PRRX1: variants seen among roughly 807,000 people sequenced by gnomAD.
PRRX1 encodes the protein paired related homeobox 1, also known as paired mesoderm homeobox protein 1.
PRRX1 carries 8 observed loss-of-function variants against 24.0 expected under a neutral mutation model. The observed-to-expected ratio is 0.33, with a 90% CI of 0.20 to 0.60. The LOEUF (loss-of-function observed/expected upper bound fraction) is 0.60. Among genes scored for constraint, PRRX1 ranks in the 20% least tolerant of loss-of-function variants. The pLI, the probability that PRRX1 is intolerant of heterozygous loss-of-function variation, is 0.82. For synonymous variants in PRRX1, 160 were observed against 131.7 expected, an observed-to-expected ratio of 1.22 and a Z score of -1.47; for missense variants, 281 against 322.4, an observed-to-expected ratio of 0.87 and a Z score of 0.98.
intron 3 of PRRX1, among the ~76,000 whole-genome samples, chr1:170,731,926 C>A (rs1655449856): frequency 6.6e-6 from 1 of 152,212 alleles, no homozygotes; most frequent in Non-Finnish European, 1.5e-5. Context: ...TGGTCACTGA[C>A]ACAAAGAACT....
At chr1:170,718,844 A>G (rs1457674609) in intron 1 of PRRX1, among the ~76,000 whole-genome samples, 1 of 152,052 alleles carries the variant, frequency 6.6e-6, no homozygotes, top group Non-Finnish European at 1.5e-5. Flanking sequence ...AGCATACTAC[A>G]CTCTGACTGC....
chr1:170,714,029 T>G (rs965426104), intron 1 of PRRX1, among the ~76,000 whole-genome samples: 1 of 152,248 alleles, frequency 6.6e-6, no homozygotes, highest in Non-Finnish European at 1.5e-5. Context: ...AAACTTGGCT[T>G]TGGTCATTGT....
intron 1 of PRRX1, among the ~76,000 whole-genome samples, chr1:170,692,445 C>A (rs1306991621): frequency 6.6e-6 from 1 of 151,888 alleles, no homozygotes; most frequent in Non-Finnish European, 1.5e-5. Context: ...ATGTAGCTAA[C>A]TTTCTAGAAT....
At chr1:170,673,703 G>T (rs1376161472) in intron 1 of PRRX1, among the ~76,000 whole-genome samples, 1 of 152,158 alleles carries the variant, frequency 6.6e-6, no homozygotes, top group African/African-American at 2.4e-5. Context: ...TCCCCAGTCT[G>T]ATCCTCCTAC....
chr1:170,671,291 A>T (rs972725580), intron 1 of PRRX1, among the ~76,000 whole-genome samples: 1 of 152,140 alleles, frequency 6.6e-6, no homozygotes, highest in Non-Finnish European at 1.5e-5. Flanking sequence ...CTGGGGCTTG[A>T]GGTTGTGGAA....
At position 170,694,800 on chromosome 1, in the gene PRRX1, A is replaced by G. The variant is rs182489088; in HGVS notation, c.242-24926A>G. On this transcript the variant is annotated intron_variant, in intron 1 of 3. Transcript: ENST00000239461. ...CTCTCAGCCACTGGATCTAATGAGT[A>G]ACAGCTGTGCTTGAAGTGGCCTTAT... Among the ~76,000 whole-genome samples, 7 of 152,294 alleles carry G rather than the reference A, an allele frequency of 4.6e-5. No individual in the cohort carries two copies. In the East Asian group the frequency reaches 1.3e-3, roughly 29 times the overall value.
intron 1 of PRRX1, among the ~76,000 whole-genome samples, chr1:170,692,571 C>A (rs1481830434): frequency 6.7e-6 from 1 of 148,664 alleles, no homozygotes; most frequent in Non-Finnish European, 1.5e-5. Flanking sequence ...TTTTTAAGAA[C>A]CAGGTCTGTT....
chr1:170,670,482 G>A (rs764429408), intron 1 of PRRX1, among the ~76,000 whole-genome samples: 1 of 152,126 alleles, frequency 6.6e-6, no homozygotes, highest in Non-Finnish European at 1.5e-5. Context: ...TAGTGGTTCA[G>A]GGTTGGCAGG....
chr1:170,713,027 T>G (rs1254627565), intron 1 of PRRX1, among the ~76,000 whole-genome samples: 1 of 152,208 alleles, frequency 6.6e-6, no homozygotes, highest in Non-Finnish European at 1.5e-5. Flanking sequence ...GAGAGGGTAC[T>G]CTGTTCAATA....
chr1:170,706,289 A>G (rs1437373607), intron 1 of PRRX1, among the ~76,000 whole-genome samples: 1 of 152,238 alleles, frequency 6.6e-6, no homozygotes, highest in Non-Finnish European at 1.5e-5. Flanking sequence ...TATAGATTCC[A>G]AAAATGGAGG....
intron 1 of PRRX1, among the ~76,000 whole-genome samples, chr1:170,691,500 C>CCTT (rs1335845550): frequency 3.7e-4 from 53 of 144,440 alleles, no homozygotes; most frequent in African/African-American, 1.3e-3. Context: ...CCTTTCCTTT[C>CCTT]CTTTCCTTTC....
chr1:170,682,633 G>T (rs1247292143), intron 1 of PRRX1, among the ~76,000 whole-genome samples: 1 of 151,732 alleles, frequency 6.6e-6, no homozygotes, highest in African/African-American at 2.4e-5. Flanking sequence ...TACATATTTG[G>T]CAAATGTGTC....
intron 1 of PRRX1, among the ~76,000 whole-genome samples, chr1:170,704,198 G>T (rs536206260): frequency 6.6e-6 from 1 of 152,210 alleles, no homozygotes; most frequent in East Asian, 1.9e-4. Flanking sequence ...AACACATTTA[G>T]AATATAAATG....
chr1:170,683,943 G>T (rs1653638331), intron 1 of PRRX1, among the ~76,000 whole-genome samples: 1 of 152,122 alleles, frequency 6.6e-6, no homozygotes, highest in African/African-American at 2.4e-5. Flanking sequence ...GCTAAAATCA[G>T]AAAATTATAC....
intron 1 of PRRX1, among the ~76,000 whole-genome samples, chr1:170,706,972 A>C (rs189730833): frequency 2.0e-5 from 3 of 152,074 alleles, no homozygotes; most frequent in Admixed American, 2.0e-4. Context: ...CTAGCAAAAA[A>C]AAGACTGCTG....
chr1:170,697,184 G>A (rs1480231404), intron 1 of PRRX1, among the ~76,000 whole-genome samples: 1 of 152,166 alleles, frequency 6.6e-6, no homozygotes, highest in Non-Finnish European at 1.5e-5. Context: ...GAAATGGAAA[G>A]CGCAGAGGCC....
At chr1:170,688,336 T>C (rs950868069) in intron 1 of PRRX1, among the ~76,000 whole-genome samples, 1 of 152,080 alleles carries the variant, frequency 6.6e-6, no homozygotes, top group Admixed American at 6.6e-5. Context: ...AAAATTAAGG[T>C]ATCTATTTTT....
At chr1:170,673,988 G>A (rs1653224460) in intron 1 of PRRX1, among the ~76,000 whole-genome samples, 2 of 152,172 alleles carry the variant, frequency 1.3e-5, no homozygotes, top group African/African-American at 2.4e-5. Flanking sequence ...GATCCCTAAA[G>A]AATATTTGTT....
At chr1:170,690,110 C>G (rs1653888508) in intron 1 of PRRX1, among the ~76,000 whole-genome samples, 1 of 140,430 alleles carries the variant, frequency 7.1e-6, no homozygotes. Context: ...ATATAAGATC[C>G]TTACTCCTCC....
Sources: allele counts gnomAD v4.1 joint callset (sites outside exome capture counted in the v4.1 genomes callset), GRCh38; gene constraint gnomAD v4.1.1; transcripts MANE v1.5; gene names NCBI Gene and HGNC (gene_info 2026-07-23, HGNC 2026-07-21).